SPINK1: variants seen among roughly 807,000 people sequenced by gnomAD.
SPINK1 encodes serine protease inhibitor Kazal-type 1.
SPINK1 carries 5 observed loss-of-function variants against 9.5 expected under a neutral mutation model. That is an observed-to-expected ratio of 0.52 (90% CI 0.27 to 1.10). The LOEUF is 1.10. Ranked by LOEUF, SPINK1 falls within the 50% of genes least tolerant of loss-of-function variation. The pLI, the probability that SPINK1 is intolerant of heterozygous loss-of-function variation, is 0.11. For missense variants in SPINK1, 88 were observed against 92.7 expected, an observed-to-expected ratio of 0.95 and a Z score of 0.21; for synonymous variants, 37 against 32.3, an observed-to-expected ratio of 1.14 and a Z score of -0.49.
In SPINK1 at chr5:147,829,763, T is replaced by C. The variant is rs558696453; in HGVS notation, c.56-133A>G. The C allele has an allele frequency of 4.7e-6, 4 of 853,886 alleles. No homozygotes were observed. The Admixed American group carries it at 6.0e-5, about 13-fold the overall frequency. The allele number at this position is 853,886 out of a possible 1,614,324, so 52.9% of individuals were successfully genotyped here. Reference sequence around the variant, plus strand: ...CTCTTTCATTCCCCACCCTTTCTGATTTCTCTAATCTTCCAAAAGTATCTG... The same window carrying C: ...CTCTTTCATTCCCCACCCTTTCTGACTTCTCTAATCTTCCAAAAGTATCTG... On this transcript the variant is annotated intron_variant, in intron 1 of 3. Transcript: ENST00000296695.
intron 1 of SPINK1, 93 bp from the exon 2 acceptor site, chr5:147,829,723 G>A (rs1343923597): frequency 2.6e-6 from 3 of 1,156,038 alleles, no homozygotes; most frequent in Non-Finnish European, 3.9e-6. Context: ...TGCAGACTGT[G>A]ACTTCTTTAC....
upstream of SPINK1, among the ~76,000 whole-genome samples, chr5:147,834,552 T>G (rs60042679): frequency 9.1e-3 from 1,378 of 152,248 alleles, 23 homozygotes; most frequent in African/African-American, 0.032. Flanking sequence ...TCTCAAATCA[T>G]TATTTAAATA....
At chr5:147,836,346 A>C (rs1756595564), upstream of SPINK1, among the ~76,000 whole-genome samples, 1 of 150,758 alleles carries the variant, frequency 6.6e-6, no homozygotes, top group African/African-American at 2.4e-5. Flanking sequence ...ACTTAATGTC[A>C]TGGTTAGAAC....
the SPINK1 span, among the ~76,000 whole-genome samples, chr5:147,837,679 T>TTCTTTCTTTCTTTCTC: frequency 6.9e-6 from 1 of 145,792 alleles, no homozygotes; most frequent in African/African-American, 2.6e-5. Flanking sequence ...CTTTCTTTCT[T>TTCTTTCTTTCTTTCTC]TCTTTCTTTC....
the SPINK1 span, among the ~76,000 whole-genome samples, chr5:147,836,820 C>T: frequency 2.0e-5 from 3 of 152,178 alleles, no homozygotes; most frequent in South Asian, 6.2e-4. Context: ...AGGAATGAAA[C>T]AACCAGTTTC....
chr5:147,828,381 C>T (rs1756449498), intron 2 of SPINK1, among the ~76,000 whole-genome samples: 1 of 152,144 alleles, frequency 6.6e-6, no homozygotes, highest in Non-Finnish European at 1.5e-5. Flanking sequence ...ATCTGCAAAA[C>T]AGTGATGATA....
At chr5:147,825,866 G>A (rs1756394829) in intron 3 of SPINK1, among the ~76,000 whole-genome samples, 3 of 152,164 alleles carry the variant, frequency 2.0e-5, no homozygotes, top group African/African-American at 7.2e-5. Context: ...GAGTTGCTAT[G>A]CTGTTCACTC....
chr5:147,833,245 G>A (rs1370005809), upstream of SPINK1, among the ~76,000 whole-genome samples: 2 of 152,178 alleles, frequency 1.3e-5, no homozygotes, highest in African/African-American at 4.8e-5. Flanking sequence ...CAAAGTGATA[G>A]AGGGCAAAAT....
chr5:147,835,177 A>T (rs534851576), upstream of SPINK1, among the ~76,000 whole-genome samples: 2 of 152,134 alleles, frequency 1.3e-5, no homozygotes, highest in East Asian at 3.9e-4. Flanking sequence ...TGCCATTTCA[A>T]CTGTGACATG....
At chr5:147,826,839 C>T (rs1465381065) in intron 3 of SPINK1, among the ~76,000 whole-genome samples, 1 of 152,062 alleles carries the variant, frequency 6.6e-6, no homozygotes, top group African/African-American at 2.4e-5. Context: ...TTTAAAACAG[C>T]CCAAGAAGAA....
At chr5:147,825,127 C>T (rs917226257) in intron 3 of SPINK1, among the ~76,000 whole-genome samples, 6 of 152,118 alleles carry the variant, frequency 3.9e-5, no homozygotes, top group Admixed American at 1.3e-4. Context: ...TCTGGGGATT[C>T]GTATCTGTGA....
upstream of SPINK1, chr5:147,831,688 C>T (rs978880472): frequency 3.6e-5 from 56 of 1,550,116 alleles, no homozygotes; most frequent in Non-Finnish European, 4.6e-5. Context: ...AAGGCCCCAC[C>T]TACTGGGCTA....
chr5:147,835,230 A>T (rs76698817), upstream of SPINK1, among the ~76,000 whole-genome samples: 1,941 of 152,270 alleles, frequency 0.013, 18 homozygotes, highest in South Asian at 0.035. Flanking sequence ...TACACATCAT[A>T]CAGTGTTCAT....
At chr5:147,831,206 A>G (rs1270063467) in intron 1 of SPINK1, among the ~76,000 whole-genome samples, 2 of 152,224 alleles carry the variant, frequency 1.3e-5, no homozygotes, top group Non-Finnish European at 2.9e-5. Context: ...TTACACATTT[A>G]CAGAATGAGA....
upstream of SPINK1, among the ~76,000 whole-genome samples, chr5:147,835,769 A>T (rs1044468782): frequency 2.0e-5 from 3 of 152,160 alleles, no homozygotes; most frequent in African/African-American, 7.2e-5. Context: ...TAAGAAAAAA[A>T]TGACAGAAAC....
chr5:147,836,750 T>C, the SPINK1 span, among the ~76,000 whole-genome samples: 3 of 152,204 alleles, frequency 2.0e-5, no homozygotes, highest in Non-Finnish European at 4.4e-5. Flanking sequence ...CGCCAAGCAG[T>C]AGCCAAACTT....
chr5:147,831,282 A>G (rs1220471310), intron 1 of SPINK1, among the ~76,000 whole-genome samples: 1 of 152,206 alleles, frequency 6.6e-6, no homozygotes, highest in Non-Finnish European at 1.5e-5. Flanking sequence ...AGGGTCAGCC[A>G]CATCAATAGA....
In SPINK1 at chr5:147,829,589, A is replaced by C. The variant is rs955053963; in HGVS notation, c.87+10T>G. The C allele has an allele frequency of 6.2e-7, 1 of 1,611,948 alleles. No homozygotes were observed. The highest frequency in any genetic ancestry group is 1.7e-5 in the Admixed American group (1 of 59,996). The stretch of plus-strand genomic sequence containing the variant: ...GTCTGAGAAATAAGAAATTACAAAT[A>C]TCTCTTTACCTCTCTTCCCAGGGAG... On this transcript the variant is annotated intron_variant, in intron 2 of 3. Transcript: ENST00000296695.
upstream of SPINK1, among the ~76,000 whole-genome samples, chr5:147,832,865 C>G (rs945876555): frequency 5.9e-5 from 9 of 152,276 alleles, no homozygotes; most frequent in African/African-American, 1.9e-4. Context: ...GTATTTATCT[C>G]TTAAGACAGA....
Sources: allele counts gnomAD v4.1 joint callset (sites outside exome capture counted in the v4.1 genomes callset), GRCh38; gene constraint gnomAD v4.1.1; transcripts MANE v1.5; gene names NCBI Gene and HGNC (gene_info 2026-07-23, HGNC 2026-07-21).